Variants in PRSS55 observed in about 807,000 individuals in gnomAD.
The protein encoded by PRSS55 is probable serine protease UNQ9391/PRO34284.
In PRSS55, 41 loss-of-function variants were observed where a neutral mutation model predicts 23.6. The ratio of observed to expected loss-of-function variants is 1.74; its 90% confidence interval spans 1.35 to 2.26. PRSS55 has a LOEUF of 2.26. Ranked by LOEUF, PRSS55 falls within the 30% of genes most tolerant of loss-of-function variation. The pLI, the probability that PRSS55 is intolerant of heterozygous loss-of-function variation, is 0.00. For missense variants in PRSS55, 669 were observed against 439.1 expected (o/e 1.52, Z -4.68); for synonymous variants, 262 against 175.5 (o/e 1.49, Z -3.90).
At position 10,530,097 on chromosome 8, in the gene PRSS55, C is replaced by T. The variant is rs559889400; in HGVS notation, c.347+398C>T. On this transcript the variant is annotated intron_variant, in intron 2 of 4. Transcript: ENST00000328655. ...CCCTACTCTCCTGCTCCTTGTAGAGCGTTCTCTGTGTGACAGCATGTGGAT... is the reference window on the plus strand; with the variant it reads ...CCCTACTCTCCTGCTCCTTGTAGAGTGTTCTCTGTGTGACAGCATGTGGAT... 2.0e-3 allele frequency among the ~76,000 whole-genome samples: 299 copies of T among 152,346 alleles called. 3 individuals carry two copies. The highest frequency in any genetic ancestry group is 2.2e-3 in the Non-Finnish European group (148 of 68,040).
chr8:10,534,003 T>C (rs1266105048), intron 4 of PRSS55, among the ~76,000 whole-genome samples: 1 of 152,096 alleles, frequency 6.6e-6, no homozygotes, highest in African/African-American at 2.4e-5. Context: ...AGGTAAGAAG[T>C]AGACCCTGGC....
chr8:10,534,661 A>G (rs183596542), intron 4 of PRSS55, among the ~76,000 whole-genome samples: 4 of 152,336 alleles, frequency 2.6e-5, no homozygotes, highest in African/African-American at 9.6e-5. Flanking sequence ...AGAACAACAC[A>G]ATGATGCCCT....
At chr8:10,534,355 A>G (rs1812382107) in intron 4 of PRSS55, among the ~76,000 whole-genome samples, 2 of 152,206 alleles carry the variant, frequency 1.3e-5, no homozygotes, top group Non-Finnish European at 2.9e-5. Flanking sequence ...CATCTTGACC[A>G]GAAAACATTA....
intron 1 of PRSS55, among the ~76,000 whole-genome samples, chr8:10,526,807 C>G (rs959860662): frequency 6.6e-6 from 1 of 152,340 alleles, no homozygotes; most frequent in African/African-American, 2.4e-5. Flanking sequence ...TTCATCCACA[C>G]ATCAGTCTTA....
downstream of PRSS55, among the ~76,000 whole-genome samples, chr8:10,539,186 G>A (rs149035541): frequency 1.4e-3 from 215 of 152,298 alleles, no homozygotes; most frequent in African/African-American, 4.4e-3. Context: ...GCTTCTCAGC[G>A]GTGATGAGAA....
intron 4 of PRSS55, among the ~76,000 whole-genome samples, chr8:10,553,775 G>A (rs1585901175): frequency 6.6e-6 from 1 of 152,200 alleles, no homozygotes; most frequent in East Asian, 1.9e-4. Context: ...GCTAAGAGAA[G>A]AGATCTTGAA....
intron 2 of PRSS55, 48 bp downstream of exon 2, chr8:10,529,747 T>G: frequency 6.4e-7 from 1 of 1,553,270 alleles, no homozygotes; most frequent in East Asian, 2.3e-5. Context: ...CGCCCACCCC[T>G]GGGGCACCCT....
chr8:10,532,344 C>G (rs191506329), intron 3 of PRSS55, among the ~76,000 whole-genome samples: 20 of 152,300 alleles, frequency 1.3e-4, no homozygotes, highest in African/African-American at 4.8e-4. Flanking sequence ...AATGTGAAAT[C>G]TCTTTGTGGT....
Position 10,538,817 on chromosome 8 carries a change from C to T in PRSS55, c.*24C>T. 1.3e-6 allele frequency: 2 copies of T among 1,527,612 alleles called. No individual in the cohort carries two copies. The highest frequency in any genetic ancestry group is 1.8e-6 in the Non-Finnish European group (2 of 1,139,260). 94.6% of individuals were successfully genotyped at this position (1,527,612 alleles called of 1,614,324 possible). ...GATAATAAAATAGAGGCTATTCTTT[C>T]AACCGAGGGAGGGTGCATGCAAGTG... On this transcript the variant is annotated 3_prime_UTR_variant, in exon 5 of 5. Coordinates refer to ENST00000328655, the MANE Select transcript of PRSS55 (RefSeq NM_198464.4).
intron 4 of PRSS55, among the ~76,000 whole-genome samples, chr8:10,548,685 G>A (rs1046249209): frequency 1.3e-5 from 2 of 152,224 alleles, no homozygotes; most frequent in African/African-American, 4.8e-5. Flanking sequence ...CAGAAGCCCA[G>A]GCACAAGGTG....
downstream of PRSS55, among the ~76,000 whole-genome samples, chr8:10,539,263 C>G (rs1430185511): frequency 6.6e-6 from 1 of 152,180 alleles, no homozygotes; most frequent in Non-Finnish European, 1.5e-5. Flanking sequence ...GTGGATTGGA[C>G]AAGGCCCACC....
In PRSS55 at chr8:10,532,994, T is replaced by C; in HGVS notation, c.687T>C (p.Leu229=). 2 of 1,614,178 alleles carry C rather than the reference T, an allele frequency of 1.2e-6. No homozygotes were observed. Among genetic ancestry groups the C allele is most frequent in the South Asian group, 1.1e-5 (1 of 91,086 alleles). ...AGTGTTCAAAGATGTTTCCAAAACT[T>C]ACCAAAAATATGCTGTGTGCCGGAT... ...WEECSKMFPK[L]TKNMLCAGYK... is the part of the protein sequence containing the mutation. The change falls in exon 4 of 5, where the codon CTT becomes CTC. Residue 229 remains leucine, a synonymous_variant. Coordinates refer to ENST00000328655, the MANE Select transcript of PRSS55 (RefSeq NM_198464.4).
At chr8:10,530,121 A>G (rs1328307012) in intron 2 of PRSS55, among the ~76,000 whole-genome samples, 1 of 152,192 alleles carries the variant, frequency 6.6e-6, no homozygotes, top group Non-Finnish European at 1.5e-5. Context: ...CAGCATGTGG[A>G]TGGATGCCTG....
At chr8:10,531,863 G>T (rs575094504) in intron 3 of PRSS55, among the ~76,000 whole-genome samples, 2 of 152,168 alleles carry the variant, frequency 1.3e-5, no homozygotes, top group African/African-American at 4.8e-5. Context: ...TGATTCCCAC[G>T]GGTATGTTTC....
chr8:10,544,947 A>G, intron 4 of PRSS55: 1 of 913,048 alleles, frequency 1.1e-6, no homozygotes, highest in African/African-American at 1.8e-5. Flanking sequence ...ATGTATTTAT[A>G]GAATTTTTAT....
At chr8:10,541,431 G>C (rs1196247431), downstream of PRSS55, 1 of 152,194 alleles carries the variant, frequency 6.6e-6, no homozygotes, top group Non-Finnish European at 1.5e-5. Flanking sequence ...GACTTCATCT[G>C]CATTGTCAGC....
downstream of PRSS55, chr8:10,541,168 G>C (rs184426489): frequency 6.6e-6 from 1 of 152,270 alleles, no homozygotes; most frequent in African/African-American, 2.4e-5. Flanking sequence ...GACTCTCCTG[G>C]GACTCCCAAC....
Position 10,553,888 on chromosome 8 carries a change from G to C in PRSS55, c.742-55G>C. On this transcript the variant is annotated intron_variant, in intron 4 of 4. Transcript: ENST00000522210. The stretch of plus-strand genomic sequence containing the variant: ...TATACATAAATCAAAGCACCACATT[G>C]TACAATAAATACATAAAATTTTTTT... 3 of 1,228,878 alleles carry C rather than the reference G, an allele frequency of 2.4e-6. No individual in the cohort carries two copies. The South Asian group carries it at 4.2e-5, about 17-fold the overall frequency. 76.1% of individuals were successfully genotyped at this position (1,228,878 alleles called of 1,614,324 possible). A position where few individuals can be genotyped will look rare whatever the true frequency, so the allele number is the denominator to read the frequency against.
At chr8:10,551,080 G>A (rs949599857) in intron 4 of PRSS55, among the ~76,000 whole-genome samples, 1 of 152,200 alleles carries the variant, frequency 6.6e-6, no homozygotes, top group Admixed American at 6.5e-5. Flanking sequence ...GGTCCTGCAA[G>A]TGATGAGCTT....
Sources: allele counts gnomAD v4.1 joint callset (sites outside exome capture counted in the v4.1 genomes callset), GRCh38; gene constraint gnomAD v4.1.1; transcripts MANE v1.5; gene names NCBI Gene and HGNC (gene_info 2026-07-23, HGNC 2026-07-21).